CDH13: variants seen among roughly 807,000 people sequenced by gnomAD.
CDH13 encodes the protein cadherin 13.
A neutral mutation model predicts 63.8 loss-of-function variants in CDH13; 24 were observed. The ratio of observed to expected loss-of-function variants is 0.38; its 90% CI spans 0.27 to 0.53. CDH13 has a LOEUF of 0.53. CDH13 is among the 20% of genes least tolerant of loss of function. The pLI is 0.85. For synonymous variants in CDH13, 503 were observed against 355.3 expected (o/e 1.42, Z -4.67); for missense variants, 1,049 against 903.1 (o/e 1.16, Z -2.07).
chr16:83,022,859 C>T (rs865896666), intron 2 of CDH13, among the ~76,000 whole-genome samples: 11 of 152,214 alleles, frequency 7.2e-5, no homozygotes, highest in South Asian at 4.1e-4. Context: ...GGCCCAAGCA[C>T]GCTTATAAGA....
At position 83,043,202 on chromosome 16, in the gene CDH13, A is replaced by G. The variant is rs13330224; in HGVS notation, c.366+10984A>G. Among the ~76,000 whole-genome samples the G allele has an allele frequency of 2.6e-3, 398 of 152,326 alleles. 1 individual carries two copies. The highest frequency in any genetic ancestry group is 9.1e-3 in the African/African-American group (380 of 41,586). ...AAGACATCCTTCAATTCATTAATTT[A>G]AATAGATAACAGATTACTTTAAGGA... On this transcript the variant is annotated intron_variant, in intron 3 of 13. Coordinates refer to ENST00000567109, the MANE Select transcript of CDH13 (RefSeq NM_001257.5).
At chr16:83,154,522 G>T (rs949500932) in intron 4 of CDH13, among the ~76,000 whole-genome samples, 1 of 149,138 alleles carries the variant, frequency 6.7e-6, no homozygotes, top group South Asian at 2.1e-4. Flanking sequence ...AGCCAAGATC[G>T]CACCACTGCA....
chr16:82,762,168 C>T (rs950167823), intron 1 of CDH13, among the ~76,000 whole-genome samples: 4 of 152,174 alleles, frequency 2.6e-5, no homozygotes, highest in South Asian at 2.1e-4. Flanking sequence ...GCACATCGGA[C>T]TTCACCCTGC....
In CDH13 at chr16:83,800,223, C is replaced by G. The variant is rs1327968447; in HGVS notation, c.*5193C>G. The G allele has an allele frequency of 2.6e-5, 4 of 152,098 alleles. No homozygotes were observed. Among genetic ancestry groups the G allele is most frequent in the Admixed American group, 6.5e-5 (1 of 15,272 alleles). The allele number at this position is 152,098 out of a possible 1,614,324, so 9.4% of individuals were successfully genotyped here. ...TTGGAGAAAGGGGCTTATAGAAGCACTATGAAAATAAACTGGAGACTATTT... is the reference window on the plus strand; with the variant it reads ...TTGGAGAAAGGGGCTTATAGAAGCAGTATGAAAATAAACTGGAGACTATTT... On this transcript the variant is annotated 3_prime_UTR_variant, in exon 14 of 14. Transcript: ENST00000567109.
At chr16:83,136,434 C>T (rs534560425) in intron 4 of CDH13, among the ~76,000 whole-genome samples, 3 of 147,824 alleles carry the variant, frequency 2.0e-5, no homozygotes, top group South Asian at 2.1e-4. Context: ...TGTAGTGAGC[C>T]GAGATCGCTC....
rs78853313 is a variant in CDH13, at chr16:83,781,719, T to C, written c.1915+1518T>C. Among the ~76,000 whole-genome samples the C allele has an allele frequency of 4.8e-3, 737 of 152,196 alleles. 5 individuals carry two copies. The highest frequency in any genetic ancestry group is 0.017 in the South Asian group (84 of 4,810). On this transcript the variant is annotated intron_variant, in intron 12 of 13. Coordinates refer to ENST00000567109, the MANE Select transcript of CDH13 (RefSeq NM_001257.5). ...TTATGGCTATAGCCTATTTGAATAATCATCTCCAGTTCTTTCCAATTGGAA... is the reference window on the plus strand; with the variant it reads ...TTATGGCTATAGCCTATTTGAATAACCATCTCCAGTTCTTTCCAATTGGAA...
chr16:83,350,996 T>A (rs1344229615), intron 6 of CDH13, among the ~76,000 whole-genome samples: 3 of 152,194 alleles, frequency 2.0e-5, no homozygotes, highest in Non-Finnish European at 4.4e-5. Context: ...AGTTGCTATT[T>A]TCCAAAACAG....
At chr16:83,106,190 C>T (rs1285405105) in intron 3 of CDH13, among the ~76,000 whole-genome samples, 4 of 152,180 alleles carry the variant, frequency 2.6e-5, no homozygotes, top group Non-Finnish European at 4.4e-5. Flanking sequence ...GAAACTCTAC[C>T]TACAACGTCA....
chr16:83,045,416 A>G (rs1451136666), intron 3 of CDH13, among the ~76,000 whole-genome samples: 1 of 152,078 alleles, frequency 6.6e-6, no homozygotes, highest in Admixed American at 6.5e-5. Flanking sequence ...AGGCAGGTGG[A>G]TCACGATATC....
At chr16:83,369,616 A>C (rs992242741) in intron 6 of CDH13, among the ~76,000 whole-genome samples, 60 of 152,116 alleles carry the variant, frequency 3.9e-4, no homozygotes, top group African/African-American at 1.4e-3. Context: ...GTACAGATGG[A>C]ATCTCACTGT....
At chr16:83,367,207 A>G (rs939532749) in intron 6 of CDH13, among the ~76,000 whole-genome samples, 2 of 152,228 alleles carry the variant, frequency 1.3e-5, no homozygotes, top group Non-Finnish European at 2.9e-5. Flanking sequence ...GACATTTCAT[A>G]TAAATGCAGT....
At chr16:83,412,607 C>G (rs16960416) in intron 6 of CDH13, among the ~76,000 whole-genome samples, 17,915 of 152,176 alleles carry the variant, frequency 0.12, 1,202 homozygotes, top group Middle Eastern at 0.18. Flanking sequence ...TTGTGGTCCC[C>G]GAAGAAAGAA....
At chr16:82,865,292 G>T (rs192788827) in intron 2 of CDH13, among the ~76,000 whole-genome samples, 1 of 152,242 alleles carries the variant, frequency 6.6e-6, no homozygotes, top group Non-Finnish European at 1.5e-5. Context: ...GGGACTCTGT[G>T]TGGGGATTTC....
At chr16:82,745,393 C>T (rs2034116958) in intron 1 of CDH13, among the ~76,000 whole-genome samples, 1 of 152,148 alleles carries the variant, frequency 6.6e-6, no homozygotes, top group South Asian at 2.1e-4. Context: ...GCAGTAACAA[C>T]ATTACAGAAA....
At chr16:83,634,724 A>G (rs1292949335) in intron 8 of CDH13, among the ~76,000 whole-genome samples, 2 of 152,146 alleles carry the variant, frequency 1.3e-5, no homozygotes, top group Non-Finnish European at 2.9e-5. Context: ...TTCACTAAGC[A>G]TGATGCCCCT....
chr16:82,884,398 C>T (rs532840033), intron 2 of CDH13: 23 of 340,110 alleles, frequency 6.8e-5, no homozygotes, highest in African/African-American at 4.5e-4. Flanking sequence ...AAATGAGACT[C>T]CTTCTGTTGT....
intron 3 of CDH13, among the ~76,000 whole-genome samples, chr16:83,115,649 C>A (rs544267583): frequency 1.3e-5 from 2 of 152,346 alleles, no homozygotes; most frequent in East Asian, 3.9e-4. Flanking sequence ...TGAGTCTCAC[C>A]TTTCACTGTT....
chr16:82,989,529 C>G (rs1306414597), intron 2 of CDH13, among the ~76,000 whole-genome samples: 2 of 152,164 alleles, frequency 1.3e-5, no homozygotes, highest in African/African-American at 4.8e-5. Flanking sequence ...GGCTGGGAAT[C>G]CAGTCATGTC....
intron 6 of CDH13, among the ~76,000 whole-genome samples, chr16:83,475,564 G>C (rs1277160624): frequency 6.6e-6 from 1 of 152,104 alleles, no homozygotes; most frequent in African/African-American, 2.4e-5. Flanking sequence ...GCCTAATATA[G>C]TCTATGTGGT....
Sources: allele counts gnomAD v4.1 joint callset (sites outside exome capture counted in the v4.1 genomes callset), GRCh38; gene constraint gnomAD v4.1.1; transcripts MANE v1.5; gene names NCBI Gene and HGNC (gene_info 2026-07-23, HGNC 2026-07-21).